The following TAF4 variants were observed in gnomAD, a reference collection of about 807,000 sequenced individuals.
TAF4 encodes transcription initiation factor TFIID subunit 4.
TAF4 carries 9 observed loss-of-function variants against 90.3 expected under a neutral mutation model. That is an observed-to-expected ratio of 0.10 (90% CI 0.06 to 0.17). TAF4 has a LOEUF of 0.17. Ranked by LOEUF, TAF4 falls within the 10% of genes least tolerant of loss-of-function variation. The probability of loss-of-function intolerance (pLI) is 1.00; values close to 1 mark genes in which losing one functional copy is unlikely to be tolerated. For missense variants in TAF4, 1,351 were observed against 1,370.7 expected (o/e 0.99, Z 0.23); for synonymous variants, 818 against 638.9 (o/e 1.28, Z -4.23).
chr20:61,976,050 G>A lies in TAF4; in HGVS notation c.*118C>T. The A allele has an allele frequency of 9.1e-7, 1 of 1,103,762 alleles. No individual in the cohort carries two copies. 68.4% of individuals were successfully genotyped at this position (1,103,762 alleles called of 1,614,324 possible). ...ACACTGAAGAGCTGATTTAGAAACA[G>A]GAATATAAAACTGTTCCATTGTAAA... is the stretch of plus-strand genomic sequence containing the variant. On this transcript the variant is annotated 3_prime_UTR_variant, in exon 15 of 15. Coordinates refer to ENST00000252996, the MANE Select transcript of TAF4 (RefSeq NM_003185.4).
At chr20:62,048,475 G>C (rs898600891) in intron 1 of TAF4, among the ~76,000 whole-genome samples, 2 of 152,046 alleles carry the variant, frequency 1.3e-5, no homozygotes, top group East Asian at 3.9e-4. Flanking sequence ...CCTGTCCCCA[G>C]GGTGGACCCT....
chr20:62,017,667 TA>T (rs1458429249), intron 1 of TAF4, among the ~76,000 whole-genome samples: 1 of 151,618 alleles, frequency 6.6e-6, no homozygotes, highest in South Asian at 2.1e-4. Flanking sequence ...AATAATAATT[TA>T]AAAAAATTGC....
At chr20:62,023,607 G>A (rs2055856217) in intron 1 of TAF4, among the ~76,000 whole-genome samples, 1 of 151,398 alleles carries the variant, frequency 6.6e-6, no homozygotes, top group Non-Finnish European at 1.5e-5. Flanking sequence ...AATTAGCTGG[G>A]CGTGGTGGCG....
chr20:62,000,478 G>T (rs1267967432), intron 10 of TAF4, 74 bp downstream of exon 10: 2 of 1,517,250 alleles, frequency 1.3e-6, no homozygotes, highest in Non-Finnish European at 1.8e-6. Flanking sequence ...GGTGTCAGGT[G>T]TGCTCACCTG....
At chr20:61,985,347 G>T (rs1600826876) in intron 14 of TAF4, among the ~76,000 whole-genome samples, 1 of 152,114 alleles carries the variant, frequency 6.6e-6, no homozygotes, top group South Asian at 2.1e-4. Flanking sequence ...TGGGGGCTGA[G>T]GCAGGAGGAT....
chr20:62,007,616 T>C lies in TAF4; in HGVS notation c.1905A>G (p.Glu635=). The part of the protein sequence containing the change: ...QNLLDGKIEA[E]DFTSRLYREL... ...CTCGGTATAACCTGCTTGTGAAATCTTCTGCTTCTATTTTTCCATCCTTAA... is the reference window on the plus strand; with the variant it reads ...CTCGGTATAACCTGCTTGTGAAATCCTCTGCTTCTATTTTTCCATCCTTAA... The change falls in exon 6 of 15, where the codon GAA becomes GAG. Residue 635 remains glutamate, a synonymous_variant. Coordinates refer to ENST00000252996, the MANE Select transcript of TAF4 (RefSeq NM_003185.4). 1 of 1,602,850 alleles carries C rather than the reference T, an allele frequency of 6.2e-7. No homozygotes were observed. The highest frequency in any genetic ancestry group is 1.1e-5 in the South Asian group (1 of 89,120).
chr20:61,997,837 A>T (rs1189605159), intron 13 of TAF4, among the ~76,000 whole-genome samples, 168 bp from the exon 14 acceptor site: 1 of 152,098 alleles, frequency 6.6e-6, no homozygotes, highest in Admixed American at 6.5e-5. Flanking sequence ...AAAAAATAAG[A>T]TTTTTTTTAA....
At chr20:61,983,895 A>C (rs1755669155) in intron 14 of TAF4, among the ~76,000 whole-genome samples, 1 of 152,186 alleles carries the variant, frequency 6.6e-6, no homozygotes, top group South Asian at 2.1e-4. Flanking sequence ...GGGGACAAGA[A>C]AGACACCCAG....
At chr20:61,981,864 G>A (rs1360096767) in intron 14 of TAF4, among the ~76,000 whole-genome samples, 2 of 123,636 alleles carry the variant, frequency 1.6e-5, no homozygotes, top group Non-Finnish European at 3.3e-5. Flanking sequence ...CACCCGAGAG[G>A]AGACACCAAA....
In TAF4 at chr20:61,976,102, C is replaced by G; in HGVS notation, c.*66G>C. On this transcript the variant is annotated 3_prime_UTR_variant, in exon 15 of 15. Coordinates refer to ENST00000252996, the MANE Select transcript of TAF4 (RefSeq NM_003185.4). ...AGGTGGCTGTTTTTTAAACAATATC[C>G]CATTTGCTCGTTACAAAAAGGCGTA... 2 of 1,548,838 alleles carry G rather than the reference C, an allele frequency of 1.3e-6. No homozygotes were observed. The highest frequency in any genetic ancestry group is 1.8e-6 in the Non-Finnish European group (2 of 1,125,106).
At chr20:62,003,048 G>A (rs551593962) in intron 9 of TAF4, 112 bp downstream of exon 9, 23 of 801,672 alleles carry the variant, frequency 2.9e-5, no homozygotes, top group African/African-American at 5.2e-5. Context: ...TTGGAGCCCC[G>A]GCCGCCAGGG....
chr20:62,040,073 T>C (rs963351956), intron 1 of TAF4, among the ~76,000 whole-genome samples: 10 of 152,230 alleles, frequency 6.6e-5, no homozygotes, highest in African/African-American at 2.4e-4. Context: ...TTGGAGTTCC[T>C]TCAGAAATTA....
At chr20:62,051,290 C>T (rs1054731085) in intron 1 of TAF4, among the ~76,000 whole-genome samples, 1 of 152,184 alleles carries the variant, frequency 6.6e-6, no homozygotes, top group African/African-American at 2.4e-5. Flanking sequence ...TGGCCAGACA[C>T]CCAGGGTGCT....
chr20:62,018,058 C>T (rs1302540179), intron 1 of TAF4, among the ~76,000 whole-genome samples: 2 of 152,158 alleles, frequency 1.3e-5, no homozygotes, highest in Non-Finnish European at 2.9e-5. Flanking sequence ...AATCAAACGT[C>T]CCACAAGAAG....
chr20:62,038,977 C>T (rs980027591), intron 1 of TAF4, among the ~76,000 whole-genome samples: 1 of 152,262 alleles, frequency 6.6e-6, no homozygotes, highest in Middle Eastern at 3.4e-3. Flanking sequence ...CACTTGAACC[C>T]GGGAGTCGGA....
intron 1 of TAF4, among the ~76,000 whole-genome samples, chr20:62,056,107 C>T (rs1202527055): frequency 1.3e-5 from 2 of 152,144 alleles, no homozygotes; most frequent in African/African-American, 4.8e-5. Context: ...TGTGGTGGTA[C>T]ATGCCTGTAT....
chr20:62,054,418 A>G (rs2056048918), intron 1 of TAF4, among the ~76,000 whole-genome samples: 1 of 152,200 alleles, frequency 6.6e-6, no homozygotes, highest in African/African-American at 2.4e-5. Context: ...GACTGCACAC[A>G]CAAGAGCAAA....
At position 62,064,493 on chromosome 20, in the gene TAF4, G is replaced by A. The variant is rs781272220; in HGVS notation, c.1318C>T (p.Pro440Ser). Residue 440 changes from proline to serine, a missense_variant, in exon 1 of 15, where the codon CCT becomes TCT. Coordinates refer to ENST00000252996, the MANE Select transcript of TAF4 (RefSeq NM_003185.4). Reference sequence around the variant, plus strand: ...TTCTGGATGTTGGTCGGGTTCTGAGGCGGCTGCGGCAAGCGGGGGGCCAGC... The same window carrying A: ...TTCTGGATGTTGGTCGGGTTCTGAGACGGCTGCGGCAAGCGGGGGGCCAGC... ...TVLAPRLPQP[P>S]QNPTNIQNFQ... 16 of 1,515,986 alleles carry A rather than the reference G, an allele frequency of 1.1e-5. 1 individual carries two copies. The African/African-American group carries it at 1.1e-4, about 11-fold the overall frequency. The allele number at this position is 1,515,986 out of a possible 1,614,324, so 93.9% of individuals were successfully genotyped here. A position where few individuals can be genotyped will look rare whatever the true frequency, so the allele number is the denominator to read the frequency against.
At chr20:62,063,791 C>G (rs2056103993) in intron 1 of TAF4, among the ~76,000 whole-genome samples, 3 of 152,262 alleles carry the variant, frequency 2.0e-5, no homozygotes, top group Admixed American at 2.0e-4. Context: ...GCGTGGCTCT[C>G]AGCAAGGCTG....
Sources: allele counts gnomAD v4.1 joint callset (sites outside exome capture counted in the v4.1 genomes callset), GRCh38; gene constraint gnomAD v4.1.1; transcripts MANE v1.5; gene names NCBI Gene and HGNC (gene_info 2026-07-23, HGNC 2026-07-21).